Variants in MALRD1 observed in about 807,000 individuals in gnomAD.
MALRD1 encodes the protein MAM and LDL-receptor class A domain-containing protein 1.
Under a neutral mutation model 242.1 loss-of-function variants are expected in MALRD1, and 247 were observed. That is an observed-to-expected ratio of 1.02 (90% CI 0.92 to 1.13). The LOEUF is 1.13. Among genes scored for constraint, MALRD1 ranks in the 50% most tolerant of loss-of-function variants. The probability of loss-of-function intolerance (pLI) is 0.00; values close to 1 mark genes in which losing one functional copy is unlikely to be tolerated. For missense variants in MALRD1, 2,989 were observed against 2,533.1 expected (o/e 1.18, Z -3.86); for synonymous variants, 995 against 866.6 (o/e 1.15, Z -2.60).
intron 32 of MALRD1, among the ~76,000 whole-genome samples, chr10:19,547,967 T>C (rs902909863): frequency 6.9e-5 from 10 of 144,826 alleles, no homozygotes; most frequent in Non-Finnish European, 1.2e-4. Flanking sequence ...TCTCCCAGCA[T>C]TTCAAGCTTT....
At chr10:19,510,278 C>T (rs1162594034) in intron 31 of MALRD1, among the ~76,000 whole-genome samples, 4 of 151,916 alleles carry the variant, frequency 2.6e-5, no homozygotes, top group African/African-American at 9.7e-5. Context: ...GAGACAGATG[C>T]CTTCCTCTTA....
chr10:19,383,358 C>G (rs1845919860), intron 26 of MALRD1, among the ~76,000 whole-genome samples: 1 of 152,108 alleles, frequency 6.6e-6, no homozygotes, highest in Non-Finnish European at 1.5e-5. Flanking sequence ...CAGCTCCACC[C>G]ATGTTTCTGC....
chr10:19,097,553 C>G (rs955367065), intron 4 of MALRD1, among the ~76,000 whole-genome samples: 2 of 152,146 alleles, frequency 1.3e-5, no homozygotes, highest in Non-Finnish European at 2.9e-5. Context: ...ACGAACTAAA[C>G]ATACAGTAGA....
chr10:19,599,473 G>GA (rs1474291379), intron 34 of MALRD1, among the ~76,000 whole-genome samples: 1 of 152,012 alleles, frequency 6.6e-6, no homozygotes, highest in African/African-American at 2.4e-5. Flanking sequence ...AAAGAAAAAA[G>GA]AAGCATAGTT....
At chr10:19,690,775 T>C (rs752343585) in intron 36 of MALRD1, among the ~76,000 whole-genome samples, 1 of 151,776 alleles carries the variant, frequency 6.6e-6, no homozygotes, top group African/African-American at 2.4e-5. Flanking sequence ...GTGTAGATAA[T>C]AGATAGATGG....
rs139081509 is a variant in MALRD1 at position 19,477,157 on chromosome 10, A to C, written c.5030-14360A>C. 9.9e-3 allele frequency among the ~76,000 whole-genome samples: 1,503 copies of C among 152,278 alleles called. 18 individuals carry two copies. The highest frequency in any genetic ancestry group is 0.035 in the African/African-American group (1,447 of 41,568). On this transcript the variant is annotated intron_variant, in intron 29 of 39. Coordinates refer to ENST00000454679, the MANE Select transcript of MALRD1 (RefSeq NM_001142308.3). ...GCTCAACAATATTAATAGAATTTTA[A>C]TCTTATATTTTACCTCATAAAAGGA...
intron 28 of MALRD1, among the ~76,000 whole-genome samples, chr10:19,391,644 C>T (rs10827346): frequency 0.54 from 82,818 of 152,030 alleles, 22,789 homozygotes; most frequent in Middle Eastern, 0.58. Context: ...CGAGTCGCAC[C>T]CAATCGGGAA....
chr10:19,124,594 C>A lies in MALRD1; in HGVS notation c.867C>A (p.Ser289=). Residue 289 remains serine (S), a synonymous_variant, in exon 7 of 40, where the codon TCC becomes TCA. Transcript: ENST00000454679. ...WTSEASAGQI[S]WMRTKAREIP... is the part of the protein sequence containing the mutation. ...CAGAAGCATCTGCTGGCCAAATTTC[C>A]TGGATGCGCACAAAAGCGAGAGAGA... is the stretch of plus-strand genomic sequence containing the variant. The A allele has an allele frequency of 8.1e-7, 1 of 1,233,814 alleles. No homozygotes were observed. Among genetic ancestry groups the A allele is most frequent in the Non-Finnish European group, 1.0e-6 (1 of 988,120 alleles). 76.4% of individuals were successfully genotyped at this position (1,233,814 alleles called of 1,614,324 possible).
chr10:19,365,471 A>G (rs1167767979), intron 26 of MALRD1, among the ~76,000 whole-genome samples: 1 of 152,072 alleles, frequency 6.6e-6, no homozygotes, highest in Non-Finnish European at 1.5e-5. Flanking sequence ...TCAAGAAATC[A>G]GCTCTGAATC....
At chr10:19,725,962 G>T (rs767836360) in intron 38 of MALRD1, among the ~76,000 whole-genome samples, 1 of 152,110 alleles carries the variant, frequency 6.6e-6, no homozygotes, top group Non-Finnish European at 1.5e-5. Flanking sequence ...GGATCAAGGA[G>T]CTACATGTAA....
intron 1 of MALRD1, among the ~76,000 whole-genome samples, chr10:19,057,987 GA>G (rs992326739): frequency 5.3e-5 from 8 of 151,950 alleles, no homozygotes; most frequent in African/African-American, 1.4e-4. Flanking sequence ...AATTAGTTGG[GA>G]AAAAAAATAG....
intron 9 of MALRD1, among the ~76,000 whole-genome samples, chr10:19,134,997 T>G (rs1248918179): frequency 6.6e-6 from 1 of 152,190 alleles, no homozygotes; most frequent in Non-Finnish European, 1.5e-5. Context: ...ACATGTATGA[T>G]ATTCATTATG....
At chr10:19,679,608 T>C (rs889039840) in intron 36 of MALRD1, among the ~76,000 whole-genome samples, 1 of 152,178 alleles carries the variant, frequency 6.6e-6, no homozygotes, top group Non-Finnish European at 1.5e-5. Flanking sequence ...AAACACCTGC[T>C]GGATTCGTTG....
rs796386460 is a variant in MALRD1 at position 19,125,335 on chromosome 10, TTC to T, written c.943+667_943+668del. ...CTTCCTTCCTTCCTTCTTTCTTTCT[TTC>T]TTTCTTTCTTTCTTTCTTTCTTTCT... On this transcript the variant is annotated intron_variant, in intron 7 of 39. Coordinates refer to ENST00000454679, the MANE Select transcript of MALRD1 (RefSeq NM_001142308.3). 1.0e-3 allele frequency among the ~76,000 whole-genome samples: 75 copies of T among 73,802 alleles called. 1 individual carries two copies. Among genetic ancestry groups the T allele is most frequent in the South Asian group, 3.9e-3 (7 of 1,792 alleles). The allele number at this position is 73,802 out of a possible 152,430, so 48.4% of individuals were successfully genotyped here.
intron 19 of MALRD1, among the ~76,000 whole-genome samples, chr10:19,260,719 G>T (rs1468772910): frequency 6.6e-6 from 1 of 152,142 alleles, no homozygotes; most frequent in Admixed American, 6.6e-5. Context: ...AATAGATGTT[G>T]TATGTGGGGC....
At chr10:19,441,152 G>A (rs1834623778) in intron 28 of MALRD1, among the ~76,000 whole-genome samples, 1 of 152,162 alleles carries the variant, frequency 6.6e-6, no homozygotes, top group South Asian at 2.1e-4. Context: ...CTTTTGAGAA[G>A]TGTCTGTTCA....
At chr10:19,537,425 G>A (rs570965017) in intron 32 of MALRD1, among the ~76,000 whole-genome samples, 132 of 128,340 alleles carry the variant, frequency 1.0e-3, no homozygotes, top group Admixed American at 2.0e-3. Context: ...CAAGGGGCTG[G>A]CAAGTTTGGT....
intron 36 of MALRD1, among the ~76,000 whole-genome samples, chr10:19,650,730 C>G (rs573097099): frequency 1.3e-5 from 2 of 152,282 alleles, no homozygotes; most frequent in East Asian, 3.9e-4. Context: ...GAACTAATGT[C>G]TCTGTAATCG....
intron 33 of MALRD1, among the ~76,000 whole-genome samples, chr10:19,584,217 T>C (rs1348240363): frequency 6.6e-6 from 1 of 152,160 alleles, no homozygotes; most frequent in Non-Finnish European, 1.5e-5. Context: ...TTTGTGTCTC[T>C]ATTTCCTTCA....
Sources: allele counts gnomAD v4.1 joint callset (sites outside exome capture counted in the v4.1 genomes callset), GRCh38; gene constraint gnomAD v4.1.1; transcripts MANE v1.5; gene names NCBI Gene and HGNC (gene_info 2026-07-23, HGNC 2026-07-21).